DIAPH2: variants seen among roughly 807,000 people sequenced by gnomAD.
The protein encoded by DIAPH2 is diaphanous related formin 2.
A neutral mutation model predicts 92.7 loss-of-function variants in DIAPH2; 35 were observed. That is an observed-to-expected ratio of 0.38 (90% CI 0.29 to 0.50). DIAPH2 has a LOEUF of 0.50. Ranked by LOEUF, DIAPH2 falls within the 20% of genes least tolerant of loss-of-function variation. The pLI, the probability that DIAPH2 is intolerant of heterozygous loss-of-function variation, is 0.94. For synonymous variants in DIAPH2, 301 were observed against 280.4 expected, an observed-to-expected ratio of 1.07 and a Z score of -0.73; for missense variants, 701 against 819.5, an observed-to-expected ratio of 0.86 and a Z score of 1.77.
At chrX:96,842,405 G>A (rs2064942585) in intron 4 of DIAPH2, among the ~76,000 whole-genome samples, 1 of 111,875 alleles carries the variant, frequency 8.9e-6, no homozygotes, top group African/African-American at 3.2e-5. Flanking sequence ...TAGACATCAT[G>A]CTAGGTATGT....
At chrX:96,934,024 A>G (rs867081901) in intron 10 of DIAPH2, among the ~76,000 whole-genome samples, 29 of 111,016 alleles carry the variant, frequency 2.6e-4, no homozygotes, top group African/African-American at 9.5e-4. Flanking sequence ...CTGGGATCGC[A>G]TATACAAGAG....
intron 23 of DIAPH2, among the ~76,000 whole-genome samples, chrX:97,326,603 G>A (rs2068953227): frequency 8.9e-6 from 1 of 112,146 alleles, no homozygotes; most frequent in Non-Finnish European, 1.9e-5. Context: ...ACCAAACCTA[G>A]TTTCAGAAGG....
At chrX:96,837,404 C>CCTCT (rs758318611) in intron 4 of DIAPH2, among the ~76,000 whole-genome samples, 1,713 of 65,972 alleles carry the variant, frequency 0.026, 48 homozygotes, top group Non-Finnish European at 0.038. Flanking sequence ...TTCCTCCCTC[C>CCTCT]CTCTCTCTCT....
intron 23 of DIAPH2, among the ~76,000 whole-genome samples, chrX:97,255,387 TAAC>T (rs1353248311): frequency 8.9e-6 from 1 of 112,099 alleles, no homozygotes; most frequent in Non-Finnish European, 1.9e-5. Flanking sequence ...TGTATTTTTA[TAAC>T]ATTTTAATAC....
At chrX:97,390,052 A>G (rs1222107515) in intron 25 of DIAPH2, among the ~76,000 whole-genome samples, 1 of 110,172 alleles carries the variant, frequency 9.1e-6, no homozygotes, top group Non-Finnish European at 1.9e-5. Flanking sequence ...GGGGAACTAT[A>G]ATCTTGTAAC....
Position 97,125,395 on chromosome X carries a change from C to A in DIAPH2, c.2589+10430C>A, listed in dbSNP as rs1009485950. ...GGCTGAGGCAGAGAATTGCTTGAACCCGGGAGGCAGAGGTTGCAGTGAGCC... is the reference window on the plus strand; with the variant it reads ...GGCTGAGGCAGAGAATTGCTTGAACACGGGAGGCAGAGGTTGCAGTGAGCC... On this transcript the variant is annotated intron_variant, in intron 21 of 26. Coordinates refer to ENST00000324765, the MANE Select transcript of DIAPH2 (RefSeq NM_006729.5). Among the ~76,000 whole-genome samples the A allele has an allele frequency of 1.3e-3, 136 of 101,887 alleles. 1 individual carries two copies. Among genetic ancestry groups the A allele is most frequent in the African/African-American group, 4.6e-3 (128 of 27,546 alleles). 88.5% of individuals were successfully genotyped at this position (101,887 alleles called of 115,157 possible).
At chrX:97,496,266 C>A (rs2070757489) in intron 26 of DIAPH2, among the ~76,000 whole-genome samples, 1 of 100,082 alleles carries the variant, frequency 1.0e-5, no homozygotes, top group Non-Finnish European at 2.0e-5. Context: ...ACCTCCATCT[C>A]CCGGGCTCAA....
intron 21 of DIAPH2, among the ~76,000 whole-genome samples, chrX:97,118,953 TTCTTGTA>T (rs1202346994): frequency 1.8e-5 from 2 of 112,214 alleles, no homozygotes; most frequent in Non-Finnish European, 3.8e-5. Context: ...CTCCCTTCAC[TTCTTGTA>T]TCTTTTTTTG....
chrX:97,465,303 G>A (rs1281049118), intron 26 of DIAPH2, among the ~76,000 whole-genome samples: 3 of 107,242 alleles, frequency 2.8e-5, no homozygotes, highest in Non-Finnish European at 5.7e-5. Context: ...ACGTTTATGC[G>A]TTTATCTATA....
chrX:96,733,182 T>G (rs1417006354), intron 1 of DIAPH2, among the ~76,000 whole-genome samples: 1 of 111,949 alleles, frequency 8.9e-6, no homozygotes, highest in Non-Finnish European at 1.9e-5. Context: ...TATTTTTTGT[T>G]GGAAAAACAG....
chrX:97,312,621 T>A (rs1447191452), intron 23 of DIAPH2, among the ~76,000 whole-genome samples: 1 of 111,322 alleles, frequency 9.0e-6, no homozygotes, highest in Non-Finnish European at 1.9e-5. Flanking sequence ...AGTGCTGGGA[T>A]TACGGGCATC....
At chrX:97,298,715 C>T (rs1232953066) in intron 23 of DIAPH2, among the ~76,000 whole-genome samples, 1 of 107,302 alleles carries the variant, frequency 9.3e-6, no homozygotes, top group South Asian at 4.2e-4. Context: ...CCCGGGTTCA[C>T]GCCTTTCTCC....
intron 23 of DIAPH2, among the ~76,000 whole-genome samples, chrX:97,318,784 C>T (rs974692003): frequency 9.0e-6 from 1 of 110,765 alleles, no homozygotes; most frequent in African/African-American, 3.3e-5. Flanking sequence ...CACGCCCGGC[C>T]GATTACAGTT....
At chrX:96,788,006 G>A (rs1344339360) in intron 4 of DIAPH2, among the ~76,000 whole-genome samples, 2 of 109,068 alleles carry the variant, frequency 1.8e-5, no homozygotes, top group Admixed American at 2.0e-4. Context: ...CACCATGCCC[G>A]GCCCTAGAAA....
chrX:97,212,015 C>T (rs1349974672), intron 22 of DIAPH2, among the ~76,000 whole-genome samples: 2 of 111,546 alleles, frequency 1.8e-5, no homozygotes, highest in African/African-American at 6.5e-5. Flanking sequence ...CAGCCTACCT[C>T]CATGTCTGAT....
At chrX:97,123,256 T>C (rs746883979) in intron 21 of DIAPH2, among the ~76,000 whole-genome samples, 10 of 112,095 alleles carry the variant, frequency 8.9e-5, no homozygotes, top group Non-Finnish European at 1.5e-4. Flanking sequence ...AATAGTTTCT[T>C]GAGCTTAAAG....
intron 17 of DIAPH2, among the ~76,000 whole-genome samples, chrX:97,029,712 A>T (rs1269861400): frequency 9.0e-6 from 1 of 110,929 alleles, no homozygotes; most frequent in Non-Finnish European, 1.9e-5. Flanking sequence ...TGTTGAGTCT[A>T]TTCTATTTCA....
intron 17 of DIAPH2, among the ~76,000 whole-genome samples, chrX:96,994,692 C>A (rs1206521388): frequency 9.0e-6 from 1 of 111,322 alleles, no homozygotes; most frequent in Admixed American, 9.5e-5. Flanking sequence ...AGGAAACTTA[C>A]AATCATGGCA....
chrX:97,207,244 G>A (rs768537823), intron 22 of DIAPH2, among the ~76,000 whole-genome samples: 11 of 111,966 alleles, frequency 9.8e-5, no homozygotes, highest in East Asian at 2.8e-4. Context: ...GTTACCAGTC[G>A]TATAGCTTTA....
Sources: allele counts gnomAD v4.1 joint callset (sites outside exome capture counted in the v4.1 genomes callset), GRCh38; gene constraint gnomAD v4.1.1; transcripts MANE v1.5; gene names NCBI Gene and HGNC (gene_info 2026-07-23, HGNC 2026-07-21).